DOCK4: variants seen among roughly 807,000 people sequenced by gnomAD.
DOCK4 encodes dedicator of cytokinesis protein 4.
A neutral mutation model predicts 268.1 loss-of-function variants in DOCK4; 97 were observed. That is an observed-to-expected ratio of 0.36 (90% CI 0.31 to 0.43). DOCK4 has a LOEUF of 0.43. DOCK4 is among the 20% of genes least tolerant of loss of function. The pLI is 1.00. For synonymous variants in DOCK4, 954 were observed against 887.2 expected (o/e 1.08, Z -1.34); for missense variants, 2,145 against 2,455.7 (o/e 0.87, Z 2.67).
intron 1 of DOCK4, among the ~76,000 whole-genome samples, chr7:112,105,581 A>AT (rs1811065886): frequency 6.6e-6 from 1 of 150,884 alleles, no homozygotes; most frequent in Admixed American, 6.6e-5. Flanking sequence ...AAAAAAAAAA[A>AT]ATTCTTATAA....
chr7:112,171,319 G>A (rs1400702193), intron 1 of DOCK4, among the ~76,000 whole-genome samples: 1 of 152,120 alleles, frequency 6.6e-6, no homozygotes, highest in Admixed American at 6.5e-5. Context: ...ACTGGCTATT[G>A]AAAGGAAAAG....
intron 1 of DOCK4, among the ~76,000 whole-genome samples, chr7:112,064,456 C>G (rs1248532568): frequency 6.6e-6 from 1 of 152,110 alleles, no homozygotes; most frequent in African/African-American, 2.4e-5. Context: ...AATTTATAAG[C>G]CAGCTCCATA....
intron 1 of DOCK4, among the ~76,000 whole-genome samples, chr7:112,132,092 G>A (rs990033052): frequency 1.3e-5 from 2 of 152,298 alleles, no homozygotes; most frequent in Admixed American, 6.5e-5. Context: ...TGGGGTGGGA[G>A]TTTGGCAGCC....
intron 1 of DOCK4, among the ~76,000 whole-genome samples, chr7:112,092,514 G>A (rs1030675826): frequency 3.3e-5 from 5 of 152,032 alleles, no homozygotes; most frequent in African/African-American, 7.2e-5. Context: ...CTAACGGCGC[G>A]ACAGGCTCTC....
chr7:111,874,732 C>A lies in DOCK4; in HGVS notation c.1745-2168G>T, dbSNP rs554952902. Among the ~76,000 whole-genome samples the A allele has an allele frequency of 3.9e-5, 6 of 152,262 alleles. 1 individual carries two copies. The South Asian group carries it at 1.2e-3, about 32-fold the overall frequency. ...TCAAGAGCTATAAAATAGGAGGATG[C>A]CATGACCCCTAATCCTCTGAACCTT... On this transcript the variant is annotated intron_variant, in intron 17 of 52. Coordinates refer to ENST00000428084, the MANE Select transcript of DOCK4 (RefSeq NM_001363540.2).
At chr7:111,945,687 T>C (rs1473933136) in intron 9 of DOCK4, 30 bp downstream of exon 9, 1 of 1,530,496 alleles carries the variant, frequency 6.5e-7, no homozygotes, top group Non-Finnish European at 8.9e-7. Context: ...TGGATGAATC[T>C]GCCTTATGAA....
chr7:112,198,935 A>G (rs921467091), intron 1 of DOCK4, among the ~76,000 whole-genome samples: 3 of 152,208 alleles, frequency 2.0e-5, no homozygotes, highest in African/African-American at 4.8e-5. Flanking sequence ...TAACGACTAC[A>G]TGGTCATGTA....
At chr7:111,835,972 T>G (rs1803209543) in intron 25 of DOCK4, among the ~76,000 whole-genome samples, 1 of 152,154 alleles carries the variant, frequency 6.6e-6, no homozygotes, top group Admixed American at 6.5e-5. Flanking sequence ...TTCAAGAAAC[T>G]AACCAGTGTG....
rs1243371861 is a variant in DOCK4, at chr7:111,739,168, C to T, written c.5198G>A (p.Ser1733Asn). Residue 1733 changes from serine to asparagine, a missense_variant, in exon 49 of 53, where the codon AGT (serine) becomes AAT (asparagine). Ser to Asn is a conservative substitution (Grantham distance 46, BLOSUM62 1). Around this residue, in one of 2 missense-constraint regions of DOCK4, gnomAD observed 547 missense variants for 469.0 expected, o/e 1.17. Coordinates refer to ENST00000428084, the MANE Select transcript of DOCK4 (RefSeq NM_001363540.2). ...SCLSPRERPC[S>N]AIYPTPVEPS... ...CTCCACAGGTGTTGGATAGATGGCA[C>T]TGCATGGTCTCTCTCTTGGTGACAG... is the stretch of plus-strand genomic sequence containing the variant. 3.6e-5 allele frequency: 58 copies of T among 1,614,004 alleles called. No individual in the cohort carries two copies. Among genetic ancestry groups the T allele is most frequent in the Non-Finnish European group, 4.8e-5 (57 of 1,179,878 alleles).
At chr7:112,167,591 C>T (rs377620917) in intron 1 of DOCK4, among the ~76,000 whole-genome samples, 47 of 152,320 alleles carry the variant, frequency 3.1e-4, no homozygotes, top group African/African-American at 1.1e-3. Flanking sequence ...TATTGTCATA[C>T]ATATTCAAGG....
chr7:111,812,426 C>T (rs1211752167), intron 27 of DOCK4, among the ~76,000 whole-genome samples: 1 of 152,138 alleles, frequency 6.6e-6, no homozygotes, highest in East Asian at 1.9e-4. Flanking sequence ...TCTACAGGTG[C>T]ATGCTGCTGT....
At chr7:112,099,228 G>A (rs192296928) in intron 1 of DOCK4, among the ~76,000 whole-genome samples, 59 of 151,672 alleles carry the variant, frequency 3.9e-4, no homozygotes, top group Middle Eastern at 3.4e-3. Flanking sequence ...GGAGGCAGAG[G>A]TGGCAGTGAG....
chr7:111,766,908 C>T, intron 38 of DOCK4, 124 bp downstream of exon 38: 3 of 678,530 alleles, frequency 4.4e-6, no homozygotes, highest in Non-Finnish European at 7.6e-6. Context: ...GCTAAGTATG[C>T]TTCAGAGGAT....
intron 49 of DOCK4, among the ~76,000 whole-genome samples, chr7:111,737,269 G>A (rs1026145387): frequency 2.0e-5 from 3 of 152,064 alleles, no homozygotes; most frequent in African/African-American, 7.2e-5. Context: ...ATAGTAAATA[G>A]CAGTTGTGCT....
intron 13 of DOCK4, 110 bp downstream of exon 13, chr7:111,915,669 G>T: frequency 9.0e-7 from 1 of 1,107,896 alleles, no homozygotes; most frequent in Non-Finnish European, 1.3e-6. Context: ...TCATTCTTCA[G>T]CATGGCCCAT....
At chr7:111,933,573 A>G (rs1276842479) in intron 12 of DOCK4, among the ~76,000 whole-genome samples, 2 of 151,818 alleles carry the variant, frequency 1.3e-5, no homozygotes, top group African/African-American at 4.8e-5. Flanking sequence ...GTGATTACAG[A>G]CGTGAGCCAC....
chr7:111,819,008 A>G (rs1435700340), intron 27 of DOCK4, among the ~76,000 whole-genome samples: 2 of 152,218 alleles, frequency 1.3e-5, no homozygotes, highest in Non-Finnish European at 2.9e-5. Flanking sequence ...TACTGGCTGA[A>G]TAAGTGGGTC....
chr7:112,134,633 G>A (rs1054030589), intron 1 of DOCK4, among the ~76,000 whole-genome samples: 8 of 152,092 alleles, frequency 5.3e-5, no homozygotes, highest in South Asian at 2.1e-4. Flanking sequence ...GGAGAATGGC[G>A]TGAACCCGGA....
chr7:112,182,403 C>T (rs2116707988), intron 1 of DOCK4, among the ~76,000 whole-genome samples: 1 of 152,228 alleles, frequency 6.6e-6, no homozygotes, highest in South Asian at 2.1e-4. Flanking sequence ...ATGATGTGAT[C>T]ACATTTTTAA....
Sources: gnomAD v4.1 joint callset for allele counts (sites outside exome capture counted in the v4.1 genomes callset) on GRCh38, gnomAD v4.1.1 for gene constraint, gnomAD v4.1.1 regional missense constraint, MANE v1.5 for transcripts, NCBI Gene and HGNC (gene_info 2026-07-23, HGNC 2026-07-21) for gene names.